Variants in WT1 observed in about 807,000 individuals in gnomAD.
The protein encoded by WT1 is Wilms tumor protein.
WT1 carries 8 observed loss-of-function variants against 60.8 expected under a neutral mutation model. That is an observed-to-expected ratio of 0.13 (90% CI 0.08 to 0.24). The LOEUF (loss-of-function observed/expected upper bound fraction) is 0.24. WT1 is among the 10% of genes least tolerant of loss of function. The pLI is 1.00. For missense variants in WT1, 568 were observed against 711.8 expected, an observed-to-expected ratio of 0.80 and a Z score of 2.30; for synonymous variants, 312 against 297.1, an observed-to-expected ratio of 1.05 and a Z score of -0.52.
At chr11:32,396,211 G>A (rs753971493) in intron 7 of WT1, 46 bp downstream of exon 7, 5 of 1,613,144 alleles carry the variant, frequency 3.1e-6, no homozygotes, top group Non-Finnish European at 4.2e-6. Flanking sequence ...TGGAAAAGGA[G>A]CTCTTGAACC....
At chr11:32,420,039 T>C (rs1344137023) in intron 3 of WT1, among the ~76,000 whole-genome samples, 1 of 152,174 alleles carries the variant, frequency 6.6e-6, no homozygotes, top group African/African-American at 2.4e-5. Context: ...GCAAATCTTC[T>C]CAAATACAAG....
chr11:32,414,574 C>T (rs1189759023), intron 5 of WT1, among the ~76,000 whole-genome samples: 1 of 152,232 alleles, frequency 6.6e-6, no homozygotes, highest in East Asian at 1.9e-4. Context: ...CATGCCAGGC[C>T]AAGAAATACA....
chr11:32,417,145 G>A (rs143907314), intron 4 of WT1, among the ~76,000 whole-genome samples: 6 of 152,228 alleles, frequency 3.9e-5, no homozygotes, highest in African/African-American at 1.2e-4. Context: ...GTGCAATCAG[G>A]TATGGGCGTA....
rs1431129227 is a variant in WT1 at position 32,435,241 on chromosome 11, G to A, written c.120C>T (p.Asp40=). 8 of 1,536,226 alleles carry A rather than the reference G, an allele frequency of 5.2e-6. 1 individual carries two copies. The highest frequency in any genetic ancestry group is 3.8e-4 in the Middle Eastern group (2 of 5,230). ...CTAACTTGGCCCAGATGCCGCCCGG[G>A]TCCCGGACTCCCTGCTGCTCTGGCT... Residue 40 remains aspartate (D), a synonymous_variant, in exon 1 of 10, where the codon GAC becomes GAT. Transcript: ENST00000452863.
rs1478420559 is a variant in WT1, at chr11:32,430,594, T to G, written c.662-1975A>C. On this transcript the variant is annotated intron_variant, in intron 1 of 9. Transcript: ENST00000452863. Reference sequence around the variant, plus strand: ...GGGCACTGCACAATCCTCAGAGCCCTGCTCCGCAACTGTCCGTGCCCGGCG... The same window carrying G: ...GGGCACTGCACAATCCTCAGAGCCCGGCTCCGCAACTGTCCGTGCCCGGCG... 4 of 1,597,348 alleles carry G rather than the reference T, an allele frequency of 2.5e-6. No individual in the cohort carries two copies. In the Admixed American group the frequency reaches 6.8e-5, roughly 27 times the overall value.
chr11:32,401,202 C>A (rs1276165508), intron 5 of WT1, among the ~76,000 whole-genome samples: 1 of 152,178 alleles, frequency 6.6e-6, no homozygotes, highest in Non-Finnish European at 1.5e-5. Context: ...ATACATGCTA[C>A]AATATGGATG....
At position 32,416,545 on chromosome 11, in the gene WT1, A is replaced by T; in HGVS notation, c.966-5T>A. ...CTGGAGCTCCCAGCAGCAACTCTAG[A>T]AAAGAAGAAGAGGTGGGGAGTGGGG... On this transcript the variant is annotated splice_polypyrimidine_tract_variant and splice_region_variant and intron_variant, in intron 4 of 9. Coordinates refer to ENST00000452863, the MANE Select transcript of WT1 (RefSeq NM_024426.6). The T allele has an allele frequency of 6.2e-7, 1 of 1,614,032 alleles. No individual in the cohort carries two copies. Among genetic ancestry groups the T allele is most frequent in the Non-Finnish European group, 8.5e-7 (1 of 1,179,968 alleles).
rs1051034616 is a variant in WT1, at chr11:32,414,554, C to T, written c.1016+1936G>A. Among the ~76,000 whole-genome samples, 3 of 152,186 alleles carry T rather than the reference C, an allele frequency of 2.0e-5. No individual in the cohort carries two copies. In the East Asian group the frequency reaches 5.8e-4, roughly 29 times the overall value. ...CCTCCCAAAGTGCTGGGATTATAGG[C>T]GTGAGCCACCATGCCAGGCCAAGAA... On this transcript the variant is annotated intron_variant, in intron 5 of 9. Coordinates refer to ENST00000452863, the MANE Select transcript of WT1 (RefSeq NM_024426.6).
chr11:32,425,727 A>G (rs1175571438), intron 3 of WT1, among the ~76,000 whole-genome samples: 1 of 152,230 alleles, frequency 6.6e-6, no homozygotes, highest in Non-Finnish European at 1.5e-5. Context: ...ACTACTTGGG[A>G]AATTTTCTGT....
chr11:32,416,896 C>T (rs1852691553), intron 4 of WT1, among the ~76,000 whole-genome samples: 1 of 152,094 alleles, frequency 6.6e-6, no homozygotes, highest in African/African-American at 2.4e-5. Context: ...GATGAGGTAA[C>T]CTGGAAGGAC....
chr11:32,406,511 A>G (rs553423914), intron 5 of WT1, among the ~76,000 whole-genome samples: 1 of 152,266 alleles, frequency 6.6e-6, no homozygotes, highest in South Asian at 2.1e-4. Context: ...GCCACAGACC[A>G]CTACCGGTCC....
intron 5 of WT1, among the ~76,000 whole-genome samples, chr11:32,401,166 C>T (rs1852141472): frequency 6.6e-6 from 1 of 152,262 alleles, no homozygotes; most frequent in Non-Finnish European, 1.5e-5. Flanking sequence ...GAATATTATT[C>T]AGCAATGAAA....
chr11:32,429,775 G>T (rs1437001426), intron 1 of WT1, among the ~76,000 whole-genome samples: 1 of 151,942 alleles, frequency 6.6e-6, no homozygotes, highest in Non-Finnish European at 1.5e-5. Flanking sequence ...GCCCAGGACT[G>T]CCCTGGGTCT....
intron 3 of WT1, among the ~76,000 whole-genome samples, chr11:32,422,937 G>A (rs1852901841): frequency 6.6e-6 from 1 of 152,214 alleles, no homozygotes; most frequent in Admixed American, 6.5e-5. Flanking sequence ...CAGTGTGCAT[G>A]GGAATATTTT....
rs545188734 is a variant in WT1 at position 32,431,426 on chromosome 11, G to A, written c.662-2807C>T. Among the ~76,000 whole-genome samples the A allele has an allele frequency of 1.2e-4, 17 of 145,140 alleles. No homozygotes were observed. In the East Asian group the frequency reaches 3.1e-3, roughly 27 times the overall value. ...GGGCTGCGGGATCAGTGGACTAGCA[G>A]GCAACCTCTTTTTTTTTTTTTTTTT... is the stretch of plus-strand genomic sequence containing the variant. On this transcript the variant is annotated intron_variant, in intron 1 of 9. Transcript: ENST00000452863.
Position 32,388,070 on chromosome 11 carries a change from G to T in WT1, c.*988C>A, listed in dbSNP as rs932745099. On this transcript the variant is annotated 3_prime_UTR_variant, in exon 10 of 10. Coordinates refer to ENST00000452863, the MANE Select transcript of WT1 (RefSeq NM_024426.6). ...TTTAAACAATGGATTTCCTCACCCA[G>T]TAAGTCTCATTTTTTTCACATATAC... 4 of 230,874 alleles carry T rather than the reference G, an allele frequency of 1.7e-5. No homozygotes were observed. The highest frequency in any genetic ancestry group is 3.4e-5 in the Non-Finnish European group (4 of 119,278). 14.3% of individuals were successfully genotyped at this position (230,874 alleles called of 1,614,324 possible).
At chr11:32,390,765 A>G (rs1007855190) in intron 9 of WT1, among the ~76,000 whole-genome samples, 9 of 151,932 alleles carry the variant, frequency 5.9e-5, no homozygotes, top group South Asian at 2.1e-4. Flanking sequence ...TTGATTCTCT[A>G]CTTGACTCTC....
At chr11:32,417,419 C>A in intron 4 of WT1, 158 bp downstream of exon 4, 1 of 689,774 alleles carries the variant, frequency 1.4e-6, no homozygotes, top group Non-Finnish European at 2.5e-6. Context: ...CTGAACACAA[C>A]TCACCAACTA....
At chr11:32,413,992 G>A (rs1852584002) in intron 5 of WT1, among the ~76,000 whole-genome samples, 1 of 152,184 alleles carries the variant, frequency 6.6e-6, no homozygotes, top group African/African-American at 2.4e-5. Context: ...TGTAAGATCA[G>A]ATCAGAAGAG....
Sources: allele counts gnomAD v4.1 joint callset (sites outside exome capture counted in the v4.1 genomes callset), GRCh38; gene constraint gnomAD v4.1.1; transcripts MANE v1.5; gene names NCBI Gene and HGNC (gene_info 2026-07-23, HGNC 2026-07-21).